The following TMEM232 variants were observed in gnomAD, a reference collection of about 807,000 sequenced individuals.
TMEM232 encodes the protein transmembrane protein 232.
Under a neutral mutation model 78.8 loss-of-function variants are expected in TMEM232, and 80 were observed. That is an observed-to-expected ratio of 1.01 (90% CI 0.85 to 1.22). TMEM232 has a LOEUF of 1.22. TMEM232 is among the 50% of genes most tolerant of loss of function. The pLI is 0.00. For synonymous variants in TMEM232, 297 were observed against 254.3 expected (o/e 1.17, Z -1.60); for missense variants, 881 against 742.2 (o/e 1.19, Z -2.17).
chr5:110,568,563 C>G lies in TMEM232; in HGVS notation c.1339G>C (p.Glu447Gln), dbSNP rs1776590955. 1 of 1,549,562 alleles carries G rather than the reference C, an allele frequency of 6.5e-7. No homozygotes were observed. Among genetic ancestry groups the G allele is most frequent in the African/African-American group, 1.4e-5 (1 of 72,958 alleles). ...LVYNLVKISWELQGDEEQDGL... is the reference protein window; with the variant it reads ...LVYNLVKISWQLQGDEEQDGL... ...TCCTGTTCTTCGTCTCCTTGAAGTT[C>G]CCATGAAATTTTCACCAGGTTATAC... The change falls in exon 11 of 14, where the codon GAA becomes CAA. Residue 447 changes from glutamate (E) to glutamine (Q), a missense_variant. Physicochemically the swap from Glu to Gln is conservative, Grantham distance 29 (BLOSUM62 2). Coordinates refer to ENST00000455884, the MANE Select transcript of TMEM232 (RefSeq NM_001039763.4).
At chr5:110,425,913 TA>T (rs1342368746) in intron 12 of TMEM232, among the ~76,000 whole-genome samples, 14 of 152,104 alleles carry the variant, frequency 9.2e-5, no homozygotes, top group Admixed American at 3.3e-4. Flanking sequence ...GCTTTAAGAT[TA>T]AGATTACATT....
intron 1 of TMEM232, among the ~76,000 whole-genome samples, chr5:110,668,984 C>T (rs547144197): frequency 7.6e-4 from 116 of 152,126 alleles, no homozygotes; most frequent in African/African-American, 2.7e-3. Flanking sequence ...AAGCAGTGTG[C>T]AGAGGGAAAT....
rs938271348 is a variant in TMEM232, at chr5:110,625,629, G to A, written c.602-196C>T. The A allele has an allele frequency of 3.1e-5, 11 of 356,312 alleles. No individual in the cohort carries two copies. The East Asian group carries it at 3.5e-4, about 11-fold the overall frequency. The allele number at this position is 356,312 out of a possible 1,614,324, so 22.1% of individuals were successfully genotyped here. ...ATACTAGACGGTAAATAATTTATAC[G>A]TAAGAGTTTATATAATTCAGGACAG... On this transcript the variant is annotated intron_variant, in intron 6 of 13. Coordinates refer to ENST00000455884, the MANE Select transcript of TMEM232 (RefSeq NM_001039763.4).
chr5:110,612,170 C>G (rs11958417), intron 8 of TMEM232, among the ~76,000 whole-genome samples: 3,033 of 152,228 alleles, frequency 0.02, 89 homozygotes, highest in African/African-American at 0.07. Context: ...CTCGATATAA[C>G]TGCTAAACAG....
At chr5:110,401,164 A>G (rs1755576612) in intron 2 of TMEM232, among the ~76,000 whole-genome samples, 1 of 152,070 alleles carries the variant, frequency 6.6e-6, no homozygotes, top group African/African-American at 2.4e-5. Context: ...CAGTAATGTC[A>G]ATCTTATTCT....
At position 110,399,133 on chromosome 5, in the gene TMEM232, G is replaced by GA. The variant is rs536042524; in HGVS notation, n.309-1280dup. ...CCTGAATGACACACCATCTAAACTA[G>GA]AAAAAAAAAAGCTTACACAGCACAA... On this transcript the variant is annotated intron_variant and non_coding_transcript_variant, in intron 2 of 8. Coordinates refer to the TMEM232 transcript ENST00000507188. 1.5e-3 allele frequency among the ~76,000 whole-genome samples: 223 copies of GA among 146,174 alleles called. 1 individual carries two copies. Among genetic ancestry groups the GA allele is most frequent in the South Asian group, 4.1e-3 (19 of 4,620 alleles).
intron 12 of TMEM232, among the ~76,000 whole-genome samples, chr5:110,527,368 C>T (rs1464354733): frequency 6.6e-6 from 1 of 151,720 alleles, no homozygotes; most frequent in Non-Finnish European, 1.5e-5. Flanking sequence ...AACATATTTT[C>T]AAATATGGAG....
At chr5:110,564,825 G>A (rs572596716) in intron 11 of TMEM232, among the ~76,000 whole-genome samples, 2 of 152,052 alleles carry the variant, frequency 1.3e-5, no homozygotes, top group South Asian at 2.1e-4. Context: ...ATTGCCTGAA[G>A]AGAAAATACC....
intron 2 of TMEM232, among the ~76,000 whole-genome samples, chr5:110,651,040 C>G (rs1380159651): frequency 1.3e-5 from 2 of 152,046 alleles, no homozygotes; most frequent in African/African-American, 4.8e-5. Flanking sequence ...ATACAGCTTA[C>G]CAGTCATTTT....
At chr5:110,540,326 G>C (rs571796791) in intron 11 of TMEM232, among the ~76,000 whole-genome samples, 96 of 152,252 alleles carry the variant, frequency 6.3e-4, no homozygotes, top group African/African-American at 2.2e-3. Flanking sequence ...AGTCACCCTA[G>C]GTCAACTACC....
chr5:110,618,282 T>TA, intron 8 of TMEM232, 147 bp downstream of exon 8: 1 of 981,130 alleles, frequency 1.0e-6, no homozygotes, highest in Non-Finnish European at 1.5e-6. Context: ...ACTAAACATG[T>TA]AAATTGCCAT....
At chr5:110,478,437 T>C (rs1763492108) in intron 12 of TMEM232, among the ~76,000 whole-genome samples, 1 of 151,916 alleles carries the variant, frequency 6.6e-6, no homozygotes, top group Non-Finnish European at 1.5e-5. Flanking sequence ...GATAATTGTC[T>C]CTATAACTCA....
rs1377914903 is a variant in TMEM232, at chr5:110,625,428, AAAGT to A, written c.603_606del (p.Phe204LeufsTer19). 6.6e-7 allele frequency: 1 copy of A among 1,519,198 alleles called. No individual in the cohort carries two copies. Among genetic ancestry groups the A allele is most frequent in the Non-Finnish European group, 8.8e-7 (1 of 1,131,628 alleles). The allele number at this position is 1,519,198 out of a possible 1,614,324, so 94.1% of individuals were successfully genotyped here. A position where few individuals can be genotyped will look rare whatever the true frequency, so the allele number is the denominator to read the frequency against. On this transcript the variant is annotated frameshift_variant and splice_region_variant, in exon 7 of 14. Transcript: ENST00000455884. LOFTEE classifies it high-confidence loss of function. ...TTGTGATATGATGCTCCAGAGAAAG[AAAGT>A]GCTATTGTAAGAAAAATCATCTGTG...
intron 12 of TMEM232, among the ~76,000 whole-genome samples, chr5:110,507,234 A>G (rs1031231153): frequency 6.6e-6 from 1 of 152,132 alleles, no homozygotes; most frequent in Non-Finnish European, 1.5e-5. Context: ...TGACTTTTTA[A>G]TTCTTTTGAT....
chr5:110,687,979 G>C (rs569280758), intron 1 of TMEM232, among the ~76,000 whole-genome samples: 254 of 152,238 alleles, frequency 1.7e-3, no homozygotes, highest in African/African-American at 5.7e-3. Flanking sequence ...TAAAAGAGAA[G>C]TAGAGACATA....
At chr5:110,418,739 A>T (rs1447687011), downstream of TMEM232, among the ~76,000 whole-genome samples, 1 of 152,134 alleles carries the variant, frequency 6.6e-6, no homozygotes, top group Non-Finnish European at 1.5e-5. Context: ...GCAAACATAA[A>T]CCTAAGTCTG....
chr5:110,654,060 T>C (rs940385210), intron 2 of TMEM232, among the ~76,000 whole-genome samples: 5 of 152,148 alleles, frequency 3.3e-5, no homozygotes, highest in Non-Finnish European at 7.3e-5. Flanking sequence ...TTCAGGAAAG[T>C]ACTACAATGG....
chr5:110,469,665 T>C (rs934495518), intron 12 of TMEM232, among the ~76,000 whole-genome samples: 1 of 152,168 alleles, frequency 6.6e-6, no homozygotes, highest in African/African-American at 2.4e-5. Context: ...GAGGTGATGC[T>C]CTGTATCCAG....
chr5:110,566,744 T>C (rs1026220343), intron 11 of TMEM232, among the ~76,000 whole-genome samples: 4 of 151,990 alleles, frequency 2.6e-5, no homozygotes, highest in African/African-American at 9.7e-5. Context: ...CTCTTCTTAC[T>C]GTTCCAACTT....
Sources: allele counts gnomAD v4.1 joint callset (sites outside exome capture counted in the v4.1 genomes callset), GRCh38; gene constraint gnomAD v4.1.1; transcripts MANE v1.5; gene names NCBI Gene and HGNC (gene_info 2026-07-23, HGNC 2026-07-21).